The following TBC1D26 variants were observed in gnomAD, a reference collection of about 807,000 sequenced individuals.
TBC1D26 encodes TBC1 domain family, member 26.
A neutral mutation model predicts 42.5 loss-of-function variants in TBC1D26; 19 were observed. The observed-to-expected ratio is 0.45, with a 90% CI of 0.31 to 0.66. The LOEUF (loss-of-function observed/expected upper bound fraction) is 0.66. TBC1D26 is among the 30% of genes least tolerant of loss of function. The probability of loss-of-function intolerance (pLI) is 0.06; values close to 1 mark genes in which losing one functional copy is unlikely to be tolerated. For synonymous variants in TBC1D26, 97 were observed against 123.5 expected, an observed-to-expected ratio of 0.79 and a Z score of 1.42; for missense variants, 228 against 332.6, an observed-to-expected ratio of 0.69 and a Z score of 2.45.
At position 15,741,394 on chromosome 17, in the gene TBC1D26, G is replaced by A. The variant is rs1306575294; in HGVS notation, c.646+173G>A. 4.2e-6 allele frequency: 5 copies of A among 1,201,522 alleles called. No homozygotes were observed. In the African/African-American group the frequency reaches 7.5e-5, roughly 18 times the overall value. The allele number at this position is 1,201,522 out of a possible 1,614,324, so 74.4% of individuals were successfully genotyped here. ...CCCTGCTGAGGTCCTACAGCAGCCTGGGTCTGGACAGGAACCCCCTCACCT... is the reference window on the plus strand; with the variant it reads ...CCCTGCTGAGGTCCTACAGCAGCCTAGGTCTGGACAGGAACCCCCTCACCT... On this transcript the variant is annotated intron_variant, in intron 10 of 14. Coordinates refer to ENST00000437605, the MANE Select transcript of TBC1D26 (RefSeq NM_001388465.1).
At position 15,744,622 on chromosome 17, in the gene TBC1D26, A is replaced by G. The variant is rs1340673745; in HGVS notation, c.*30A>G. 1 of 152,200 alleles carries G rather than the reference A, an allele frequency of 6.6e-6. No individual in the cohort carries two copies. Among genetic ancestry groups the G allele is most frequent in the Non-Finnish European group, 1.5e-5 (1 of 68,052 alleles). The allele number at this position is 152,200 out of a possible 1,614,324, so 9.4% of individuals were successfully genotyped here. A position where few individuals can be genotyped will look rare whatever the true frequency, so the allele number is the denominator to read the frequency against. Reference sequence around the variant, plus strand: ...CTCTCTTCGGCTGCCTGCGTTAGGAAGGGAGAACCTGCCAGTTTTCAGAAG... The same window carrying G: ...CTCTCTTCGGCTGCCTGCGTTAGGAGGGGAGAACCTGCCAGTTTTCAGAAG... On this transcript the variant is annotated 3_prime_UTR_variant, in exon 15 of 15. Coordinates refer to ENST00000437605, the MANE Select transcript of TBC1D26 (RefSeq NM_001388465.1).
intron 3 of TBC1D26, 28 bp downstream of exon 3, chr17:15,735,451 A>C (rs1471644417): frequency 6.2e-7 from 1 of 1,602,818 alleles, no homozygotes; most frequent in Admixed American, 1.7e-5. Context: ...CCCTCAAGGG[A>C]AGCAGGGCCT....
rs73978529 is a variant in TBC1D26, at chr17:15,742,964, G to A, written c.863G>A (p.Arg288Gln). The change falls in exon 13 of 15, where the codon CGG (arginine) becomes CAG (glutamine). Residue 288 changes from arginine to glutamine, a missense_variant. Physicochemically the swap from Arg to Gln is conservative, Grantham distance 43 (BLOSUM62 1). Transcript: ENST00000437605. Reference sequence around the variant, plus strand: ...GATGTGTTCATCTTGGAGGGCGCGCGGGTACTGACAGCCATGGTGCATGCA... The same window carrying A: ...GATGTGTTCATCTTGGAGGGCGCGCAGGTACTGACAGCCATGGTGCATGCA... ...LWDVFILEGA[R>Q]VLTAMVHASF... 2,171 of 154,136 alleles carry A rather than the reference G, an allele frequency of 0.014. 41 individuals carry two copies. Among genetic ancestry groups the A allele is most frequent in the African/African-American group, 0.05 (2,067 of 41,562 alleles). 9.5% of individuals were successfully genotyped at this position (154,136 alleles called of 1,614,324 possible).
At chr17:15,738,657 G>T in intron 7 of TBC1D26, 64 bp from the exon 8 acceptor site, 2 of 1,611,502 alleles carry the variant, frequency 1.2e-6, no homozygotes, top group Non-Finnish European at 1.7e-6. Context: ...GATGACTGCC[G>T]TTTGGGGCAG....
rs757296053 is a variant in TBC1D26 at position 15,741,185 on chromosome 17, G to A, written c.610G>A (p.Glu204Lys). 9 of 1,613,596 alleles carry A rather than the reference G, an allele frequency of 5.6e-6. 1 individual carries two copies. In the South Asian group the frequency reaches 9.9e-5, roughly 18 times the overall value. ...TAILLLCLPE[E>K]DAFWALTQLL... ...CATCCTCCTCCTGTGTCTGCCAGAG[G>A]AAGATGCTTTCTGGGCGCTTACCCA... is the stretch of plus-strand genomic sequence containing the variant. The change falls in exon 10 of 15, where the codon GAA (glutamate) becomes AAA (lysine). Residue 204 changes from glutamate to lysine, a missense_variant. This residue lies in a region of TBC1D26 where 130 missense variants were observed against 168.5 expected (regional missense o/e 0.77). Transcript: ENST00000437605.
chr17:15,738,212 T>C, intron 6 of TBC1D26, 68 bp from the exon 7 acceptor site: 1 of 1,607,330 alleles, frequency 6.2e-7, no homozygotes, highest in Non-Finnish European at 8.5e-7. Flanking sequence ...ACTGCAGGCC[T>C]GTTCGCCAGC....
At position 15,735,690 on chromosome 17, in the gene TBC1D26, TG is replaced by T; in HGVS notation, c.158+12del. ...CCTCGGGATTGTGCAGTAAGTCCTC[TG>T]TCCCCCCGACCCCAGCCACCAATCT... is the stretch of plus-strand genomic sequence containing the variant. On this transcript the variant is annotated intron_variant, in intron 4 of 14. Coordinates refer to ENST00000437605, the MANE Select transcript of TBC1D26 (RefSeq NM_001388465.1). The T allele has an allele frequency of 1.6e-6, 1 of 620,172 alleles. No individual in the cohort carries two copies. Among genetic ancestry groups the T allele is most frequent in the Non-Finnish European group, 2.9e-6 (1 of 346,314 alleles). The allele number at this position is 620,172 out of a possible 1,614,324, so 38.4% of individuals were successfully genotyped here.
chr17:15,738,055 C>T lies in TBC1D26; in HGVS notation c.257C>T (p.Thr86Ile). Residue 86 changes from threonine (T) to isoleucine (I), a missense_variant, in exon 6 of 15, where the codon ACA becomes ATA. By Grantham distance (89) the Thr-to-Ile change is moderately conservative (BLOSUM62 -1). This residue lies in a region of TBC1D26 where 72 missense variants were observed against 90.1 expected (regional missense o/e 0.80). Coordinates refer to ENST00000437605, the MANE Select transcript of TBC1D26 (RefSeq NM_001388465.1). ...TGGCAAAAGATGCTTGCAGACTGGACAAAATATAGGAGCACCAAGAAGGTA... is the reference window on the plus strand; with the variant it reads ...TGGCAAAAGATGCTTGCAGACTGGATAAAATATAGGAGCACCAAGAAGGTA... ...NKWQKMLADW[T>I]KYRSTKKLSQ... The T allele has an allele frequency of 5.0e-6, 8 of 1,614,198 alleles. No individual in the cohort carries two copies. The highest frequency in any genetic ancestry group is 6.8e-6 in the Non-Finnish European group (8 of 1,180,040).
At chr17:15,735,179 A>C in intron 2 of TBC1D26, 109 bp downstream of exon 2, 2 of 749,088 alleles carry the variant, frequency 2.7e-6, no homozygotes, top group Non-Finnish European at 4.4e-6. Flanking sequence ...CAAGGACTTC[A>C]GAGATCTAGT....
chr17:15,738,182 T>C, intron 6 of TBC1D26, 98 bp from the exon 7 acceptor site: 1 of 1,606,050 alleles, frequency 6.2e-7, no homozygotes, highest in Non-Finnish European at 8.5e-7. Context: ...GGGTGGGTGG[T>C]ACCCCATCCT....
intron 1 of TBC1D26, chr17:15,734,119 C>T (rs1353667458): frequency 2.6e-5 from 4 of 152,186 alleles, no homozygotes; most frequent in Non-Finnish European, 4.4e-5. Flanking sequence ...GAGGCGGTGA[C>T]TGGCCCAGAG....
chr17:15,741,941 G>A lies in TBC1D26; in HGVS notation c.647-1G>A. On this transcript the variant is annotated splice_acceptor_variant, in intron 10 of 14. Coordinates refer to ENST00000437605, the MANE Select transcript of TBC1D26 (RefSeq NM_001388465.1). LOFTEE classifies it high-confidence loss of function. ...GGGGTGATGGGTCGCGGGCTTCTCAGTATTCTACAGCCCAAATACTGCCTG... is the reference window on the plus strand; with the variant it reads ...GGGGTGATGGGTCGCGGGCTTCTCAATATTCTACAGCCCAAATACTGCCTG... 6.2e-7 allele frequency: 1 copy of A among 1,614,002 alleles called. No individual in the cohort carries two copies. The highest frequency in any genetic ancestry group is 8.5e-7 in the Non-Finnish European group (1 of 1,179,940).
chr17:15,742,115 G>A (rs1172206116), intron 11 of TBC1D26, 79 bp downstream of exon 11: 2 of 1,243,926 alleles, frequency 1.6e-6, no homozygotes, highest in South Asian at 2.7e-5. Context: ...CCCTCATGGG[G>A]CTGGCAAGAG....
chr17:15,742,726 C>T (rs533744673), intron 12 of TBC1D26, among the ~76,000 whole-genome samples, 183 bp from the exon 13 acceptor site: 4 of 152,342 alleles, frequency 2.6e-5, no homozygotes, highest in Admixed American at 6.5e-5. Flanking sequence ...GAAGCCACAG[C>T]GCAGTTGAGA....
chr17:15,741,090 A>T, intron 9 of TBC1D26, 32 bp from the exon 10 acceptor site: 1 of 1,604,130 alleles, frequency 6.2e-7, no homozygotes, highest in Non-Finnish European at 8.5e-7. Context: ...CTCCTAGGTG[A>T]CATCTTTCCA....
At chr17:15,741,340 T>G in intron 10 of TBC1D26, 119 bp downstream of exon 10, 1 of 1,556,824 alleles carries the variant, frequency 6.4e-7, no homozygotes, top group African/African-American at 1.3e-5. Context: ...CTGCCTTGTA[T>G]CCCAGCTTGT....
Position 15,735,354 on chromosome 17 carries a change from G to A in TBC1D26, c.6G>A (p.Glu2=), listed in dbSNP as rs746592338. 1.2e-6 allele frequency: 2 copies of A among 1,613,918 alleles called. No homozygotes were observed. The highest frequency in any genetic ancestry group is 1.3e-5 in the African/African-American group (1 of 75,034). ...GGATGACTTTGTCTTGCAGGATGGA[G>A]ATGGATGGGGACCCGTATAACCTGC... is the stretch of plus-strand genomic sequence containing the variant. The part of the protein sequence containing the change: M[E]MDGDPYNLPA... Residue 2 remains glutamate, a synonymous_variant, in exon 3 of 15, where the codon GAG becomes GAA. Transcript: ENST00000437605.
chr17:15,743,163 C>A (rs1415683741), intron 13 of TBC1D26, among the ~76,000 whole-genome samples, 155 bp downstream of exon 13: 1 of 152,138 alleles, frequency 6.6e-6, no homozygotes, highest in Non-Finnish European at 1.5e-5. Context: ...CCATCCCCCA[C>A]ATGACCCAGA....
At chr17:15,741,002 C>A in intron 9 of TBC1D26, 120 bp from the exon 10 acceptor site, 2 of 1,351,380 alleles carry the variant, frequency 1.5e-6, no homozygotes, top group East Asian at 2.3e-5. Flanking sequence ...CACCTCAAAT[C>A]CCCTGGGGCC....
Sources: gnomAD v4.1 joint callset for allele counts (sites outside exome capture counted in the v4.1 genomes callset) on GRCh38, gnomAD v4.1.1 for gene constraint, gnomAD v4.1.1 regional missense constraint, MANE v1.5 for transcripts, NCBI Gene and HGNC (gene_info 2026-07-23, HGNC 2026-07-21) for gene names.